The following PCDH11X variants were observed in gnomAD, a reference collection of about 807,000 sequenced individuals.
The protein encoded by PCDH11X is protocadherin-11 X-linked.
In PCDH11X, 18 loss-of-function variants were observed where a neutral mutation model predicts 53.3. The observed-to-expected ratio is 0.34, with a 90% CI of 0.23 to 0.50. PCDH11X has a LOEUF of 0.50. Ranked by LOEUF, PCDH11X falls within the 20% of genes least tolerant of loss-of-function variation. The probability of loss-of-function intolerance (pLI) is 0.98; values close to 1 mark genes in which losing one functional copy is unlikely to be tolerated. For synonymous variants in PCDH11X, 279 were observed against 393.3 expected, an observed-to-expected ratio of 0.71 and a Z score of 3.44; for missense variants, 570 against 1,032.4, an observed-to-expected ratio of 0.55 and a Z score of 6.14.
intron 6 of PCDH11X, among the ~76,000 whole-genome samples, chrX:92,183,505 C>T (rs913234609): frequency 3.6e-5 from 4 of 111,817 alleles, no homozygotes; most frequent in African/African-American, 1.3e-4. Flanking sequence ...GATCTTCCCA[C>T]CTCAGCCTCC....
At chrX:91,869,704 A>G in intron 5 of PCDH11X, among the ~76,000 whole-genome samples, 1 of 111,122 alleles carries the variant, frequency 9.0e-6, no homozygotes, top group Admixed American at 9.6e-5. Context: ...TGCTTGAAAT[A>G]CAGTCTTTAA....
intron 5 of PCDH11X, among the ~76,000 whole-genome samples, chrX:91,843,263 A>G (rs746223750): frequency 0.011 from 963 of 91,177 alleles, 9 homozygotes; most frequent in African/African-American, 0.036. Context: ...ATACATACTT[A>G]TGTGTGTGTG....
intron 6 of PCDH11X, among the ~76,000 whole-genome samples, chrX:92,094,479 A>G (rs2148123998): frequency 9.0e-6 from 1 of 111,088 alleles, no homozygotes; most frequent in East Asian, 2.8e-4. Flanking sequence ...GTTTATCTCT[A>G]TCTTTGAGGA....
intron 7 of PCDH11X, among the ~76,000 whole-genome samples, chrX:92,252,679 T>C (rs2067484174): frequency 9.0e-6 from 1 of 111,006 alleles, no homozygotes; most frequent in Non-Finnish European, 1.9e-5. Flanking sequence ...TTTTTTTAAA[T>C]TGGATGAGAT....
chrX:92,127,274 T>G (rs2064884175), intron 6 of PCDH11X, among the ~76,000 whole-genome samples: 1 of 108,161 alleles, frequency 9.2e-6, no homozygotes, highest in African/African-American at 3.3e-5. Context: ...TCCTCTAATA[T>G]AGATGTTAAT....
At chrX:92,317,106 G>A (rs35155736) in intron 8 of PCDH11X, among the ~76,000 whole-genome samples, 2 of 111,257 alleles carry the variant, frequency 1.8e-5, no homozygotes, top group African/African-American at 6.5e-5. Context: ...GAAATATGAT[G>A]CGGACAAGAG....
intron 7 of PCDH11X, among the ~76,000 whole-genome samples, chrX:92,226,797 C>T (rs1372752121): frequency 1.8e-5 from 2 of 110,390 alleles, no homozygotes; most frequent in African/African-American, 6.6e-5. Flanking sequence ...TGGAGGCTTT[C>T]CGTGTATGCT....
At chrX:92,595,878 G>T (rs1377051080) in intron 10 of PCDH11X, among the ~76,000 whole-genome samples, 1 of 86,234 alleles carries the variant, frequency 1.2e-5, no homozygotes, top group Non-Finnish European at 2.2e-5. Flanking sequence ...CTAACACCTG[G>T]ATAAATTGTA....
intron 4 of PCDH11X, among the ~76,000 whole-genome samples, chrX:91,821,703 A>T: frequency 9.7e-6 from 1 of 103,563 alleles, no homozygotes; most frequent in Non-Finnish European, 1.9e-5. Flanking sequence ...AGAACTTCCA[A>T]CACTATGTTG....
chrX:92,436,179 T>G (rs1304040708), intron 9 of PCDH11X, among the ~76,000 whole-genome samples: 1 of 107,757 alleles, frequency 9.3e-6, no homozygotes, highest in Non-Finnish European at 1.9e-5. Flanking sequence ...GAACAGACAC[T>G]TTTCTAAAAA....
At chrX:91,793,668 T>G (rs1232207607) in intron 1 of PCDH11X, among the ~76,000 whole-genome samples, 1 of 111,428 alleles carries the variant, frequency 9.0e-6, no homozygotes, top group African/African-American at 3.3e-5. Context: ...GATAAAAATA[T>G]TTGAAATAAT....
chrX:92,090,677 C>G (rs1449403918), intron 6 of PCDH11X, among the ~76,000 whole-genome samples: 1 of 110,340 alleles, frequency 9.1e-6, no homozygotes, highest in African/African-American at 3.3e-5. Flanking sequence ...GGCTAGAGAA[C>G]CCTTAAGTAG....
intron 6 of PCDH11X, among the ~76,000 whole-genome samples, chrX:91,956,142 T>G (rs2061707413): frequency 9.0e-6 from 1 of 111,487 alleles, no homozygotes; most frequent in Admixed American, 9.5e-5. Context: ...TGAGCCTATG[T>G]GTGTCTTTGC....
chrX:92,575,655 A>G (rs1213833751), intron 10 of PCDH11X, among the ~76,000 whole-genome samples: 1 of 107,371 alleles, frequency 9.3e-6, no homozygotes, highest in African/African-American at 3.4e-5. Flanking sequence ...ATTAAATTCA[A>G]TTGTTACCAT....
chrX:92,155,505 C>T (rs1397726559), intron 6 of PCDH11X, among the ~76,000 whole-genome samples: 1 of 88,733 alleles, frequency 1.1e-5, no homozygotes, highest in African/African-American at 4.2e-5. Flanking sequence ...TTCTTTCACA[C>T]ACTTTGGCTC....
At chrX:92,476,112 G>A (rs981966312) in intron 10 of PCDH11X, among the ~76,000 whole-genome samples, 3 of 110,975 alleles carry the variant, frequency 2.7e-5, no homozygotes, top group African/African-American at 9.8e-5. Flanking sequence ...TAGTGAATGA[G>A]TCTCATGAGA....
intron 8 of PCDH11X, among the ~76,000 whole-genome samples, chrX:92,383,831 G>A (rs1265454667): frequency 7.2e-5 from 8 of 111,796 alleles, no homozygotes; most frequent in African/African-American, 2.3e-4. Context: ...AATCCTTTGG[G>A]TATATACCCA....
intron 8 of PCDH11X, among the ~76,000 whole-genome samples, chrX:92,323,531 C>A (rs2037794748): frequency 9.1e-6 from 1 of 110,193 alleles, no homozygotes; most frequent in Admixed American, 9.8e-5. Context: ...CCCCATTTTC[C>A]TTGACTTTCA....
intron 10 of PCDH11X, among the ~76,000 whole-genome samples, chrX:92,581,624 G>T (rs891834033): frequency 8.9e-6 from 1 of 111,953 alleles, no homozygotes; most frequent in African/African-American, 3.2e-5. Flanking sequence ...TATCAGCAGT[G>T]TGAAAACGAA....
Sources: allele counts gnomAD v4.1 joint callset (sites outside exome capture counted in the v4.1 genomes callset), GRCh38; gene constraint gnomAD v4.1.1; transcripts MANE v1.5; gene names NCBI Gene and HGNC (gene_info 2026-07-23, HGNC 2026-07-21).